ZNF385D: variants seen among roughly 807,000 people sequenced by gnomAD.
The protein encoded by ZNF385D is zinc finger protein 385D.
Under a neutral mutation model 35.8 loss-of-function variants are expected in ZNF385D, and 15 were observed. The ratio of observed to expected loss-of-function variants is 0.42; its 90% CI spans 0.28 to 0.64. The LOEUF is 0.64. Ranked by LOEUF, ZNF385D falls within the 30% of genes least tolerant of loss-of-function variation. ZNF385D has a pLI of 0.23. For missense variants in ZNF385D, 474 were observed against 494.6 expected (o/e 0.96, Z 0.39); for synonymous variants, 212 against 186.8 (o/e 1.13, Z -1.10).
intron 2 of ZNF385D, among the ~76,000 whole-genome samples, chr3:22,230,287 C>T (rs548757469): frequency 6.6e-6 from 1 of 152,062 alleles, no homozygotes; most frequent in Non-Finnish European, 1.5e-5. Context: ...TGGATTTATC[C>T]TATAAAAAAA....
rs529345425 is a variant in ZNF385D, at chr3:21,588,323, T to G, written c.166-23639A>C. Among the ~76,000 whole-genome samples, 84 of 152,284 alleles carry G rather than the reference T, an allele frequency of 5.5e-4. 1 individual carries two copies. The South Asian group carries it at 0.016, about 30-fold the overall frequency. On this transcript the variant is annotated intron_variant, in intron 2 of 7. Transcript: ENST00000281523. ...TTATTAGGTTCAACTTTTAAGACTT[T>G]CATCTCATAGCTAAATGGAAAATTT...
At chr3:21,614,094 G>A (rs1317301458) in intron 2 of ZNF385D, among the ~76,000 whole-genome samples, 1 of 152,164 alleles carries the variant, frequency 6.6e-6, no homozygotes, top group African/African-American at 2.4e-5. Flanking sequence ...TAGTTTTCTA[G>A]GGCTGCCATA....
intron 2 of ZNF385D, among the ~76,000 whole-genome samples, chr3:22,344,658 G>T (rs771192162): frequency 2.0e-5 from 3 of 152,104 alleles, no homozygotes; most frequent in African/African-American, 4.8e-5. Context: ...CTGGGCTCTA[G>T]TGTTCTGCCT....
In ZNF385D at chr3:22,307,046, C is replaced by G. The variant is rs367768912; in HGVS notation, c.106+65404G>C. On this transcript the variant is annotated intron_variant, in intron 2 of 5. Transcript: ENST00000494108. ...TGTAGAGGGGATTTACTCTGAAATT[C>G]ACATAGAGAAACAACTTTTTTATTC... Among the ~76,000 whole-genome samples the G allele has an allele frequency of 5.3e-5, 8 of 152,196 alleles. No individual in the cohort carries two copies. The East Asian group carries it at 1.2e-3, about 22-fold the overall frequency.
intron 2 of ZNF385D, among the ~76,000 whole-genome samples, chr3:21,575,787 C>G (rs1333146730): frequency 6.6e-6 from 1 of 152,150 alleles, no homozygotes; most frequent in East Asian, 1.9e-4. Flanking sequence ...AGGGTTGGGT[C>G]TCATTATTCT....
chr3:22,067,282 C>T (rs1443156540), intron 3 of ZNF385D, among the ~76,000 whole-genome samples: 1 of 152,130 alleles, frequency 6.6e-6, no homozygotes, highest in Non-Finnish European at 1.5e-5. Flanking sequence ...TGTAAAATAA[C>T]ATTTGTAGTA....
chr3:22,207,993 G>A (rs1697266733), intron 2 of ZNF385D, among the ~76,000 whole-genome samples: 1 of 151,878 alleles, frequency 6.6e-6, no homozygotes, highest in South Asian at 2.1e-4. Context: ...ATGTAAATTA[G>A]TATAGCCAAT....
chr3:21,483,439 A>C (rs1013879893), intron 4 of ZNF385D, among the ~76,000 whole-genome samples: 10 of 152,306 alleles, frequency 6.6e-5, no homozygotes, highest in African/African-American at 2.2e-4. Flanking sequence ...ACTGTTATAA[A>C]TGTCTGGAGT....
intron 3 of ZNF385D, among the ~76,000 whole-genome samples, chr3:21,533,022 T>G (rs923069094): frequency 2.6e-5 from 4 of 152,206 alleles, no homozygotes; most frequent in Admixed American, 6.5e-5. Flanking sequence ...GTGTATTCTA[T>G]GAAGATGGAT....
intron 3 of ZNF385D, among the ~76,000 whole-genome samples, chr3:21,757,029 T>C (rs2070369137): frequency 6.6e-6 from 1 of 151,740 alleles, no homozygotes; most frequent in Non-Finnish European, 1.5e-5. Context: ...AAAAAAGTAC[T>C]AACATTGTGC....
chr3:22,174,265 C>T (rs979452982), intron 2 of ZNF385D, among the ~76,000 whole-genome samples: 1 of 152,150 alleles, frequency 6.6e-6, no homozygotes, highest in African/African-American at 2.4e-5. Context: ...AGCCAGGTTA[C>T]ATCGTTTTGT....
At chr3:21,951,097 C>T (rs2125298291) in intron 3 of ZNF385D, among the ~76,000 whole-genome samples, 1 of 151,672 alleles carries the variant, frequency 6.6e-6, no homozygotes, top group South Asian at 2.1e-4. Context: ...TCAATGGTAG[C>T]TTGATGGGGA....
At chr3:21,425,102 A>C (rs1700956483) in intron 6 of ZNF385D, among the ~76,000 whole-genome samples, 1 of 152,220 alleles carries the variant, frequency 6.6e-6, no homozygotes, top group African/African-American at 2.4e-5. Flanking sequence ...GTAGCACGTA[A>C]ATATCTAAAC....
chr3:21,662,042 T>C (rs1034152933), intron 2 of ZNF385D, among the ~76,000 whole-genome samples: 7 of 152,182 alleles, frequency 4.6e-5, no homozygotes, highest in Non-Finnish European at 8.8e-5. Flanking sequence ...AGGGGAAGAA[T>C]ATAGTCTCTG....
intron 3 of ZNF385D, among the ~76,000 whole-genome samples, chr3:21,999,318 A>C (rs1695688263): frequency 6.6e-6 from 1 of 152,144 alleles, no homozygotes. Flanking sequence ...TACTTGAGAC[A>C]AAACAAAAAT....
At chr3:22,332,636 T>C (rs139028178) in intron 2 of ZNF385D, among the ~76,000 whole-genome samples, 513 of 152,146 alleles carry the variant, frequency 3.4e-3, no homozygotes, top group Admixed American at 7.4e-3. Flanking sequence ...TGGAAATAAA[T>C]AAAAGCTTAA....
chr3:21,869,878 C>T (rs1332559486), intron 3 of ZNF385D, among the ~76,000 whole-genome samples: 1 of 151,928 alleles, frequency 6.6e-6, no homozygotes, highest in Non-Finnish European at 1.5e-5. Flanking sequence ...TTCTCTTAAA[C>T]ATAGAATTGC....
At chr3:21,908,157 T>TCTACCTAC (rs1553696866) in intron 3 of ZNF385D, among the ~76,000 whole-genome samples, 6 of 150,166 alleles carry the variant, frequency 4.0e-5, no homozygotes, top group African/African-American at 1.5e-4. Flanking sequence ...TATCTATCTA[T>TCTACCTAC]CTATCTATCT....
chr3:22,191,344 G>A lies in ZNF385D; in HGVS notation c.107-22309C>T, dbSNP rs533343164. On this transcript the variant is annotated intron_variant, in intron 2 of 5. Transcript: ENST00000494108. ...CTCTACTGAAAATACAAAATTAGCC[G>A]CGCATGGTGGTGCATGCCTGTAATG... is the stretch of plus-strand genomic sequence containing the variant. Among the ~76,000 whole-genome samples, 388 of 151,988 alleles carry A rather than the reference G, an allele frequency of 2.6e-3. 1 individual carries two copies. Among genetic ancestry groups the A allele is most frequent in the Non-Finnish European group, 4.3e-3 (289 of 67,966 alleles).
Sources: allele counts gnomAD v4.1 joint callset (sites outside exome capture counted in the v4.1 genomes callset), GRCh38; gene constraint gnomAD v4.1.1; transcripts MANE v1.5; gene names NCBI Gene and HGNC (gene_info 2026-07-23, HGNC 2026-07-21).